PTPRF: variants seen among roughly 807,000 people sequenced by gnomAD.
PTPRF encodes receptor-type tyrosine-protein phosphatase F.
PTPRF carries 59 observed loss-of-function variants against 201.8 expected under a neutral mutation model. That is an observed-to-expected ratio of 0.29 (90% CI 0.24 to 0.36). The LOEUF (loss-of-function observed/expected upper bound fraction) is 0.36. Among genes scored for constraint, PTPRF ranks in the 10% least tolerant of loss-of-function variants. The pLI, the probability that PTPRF is intolerant of heterozygous loss-of-function variation, is 1.00. For synonymous variants in PTPRF, 1,088 were observed against 1,089.7 expected, an observed-to-expected ratio of 1.00 and a Z score of 0.03; for missense variants, 2,132 against 2,690.5, an observed-to-expected ratio of 0.79 and a Z score of 4.59.
chr1:43,553,997 C>T lies in PTPRF; in HGVS notation c.379+56C>T. On this transcript the variant is annotated intron_variant, in intron 5 of 33. Coordinates refer to ENST00000359947, the MANE Select transcript of PTPRF (RefSeq NM_002840.5). This position sits in a 1 kb window ranked among gnomAD's most constrained non-coding sequence, Gnocchi z 4.1. ...CTGCCGGGCTGAGGCGTGGGAAGAG[C>T]CAGCCAGCCCTGATCCTGTCCTGGG... 2 of 1,598,820 alleles carry T rather than the reference C, an allele frequency of 1.3e-6. No individual in the cohort carries two copies. The highest frequency in any genetic ancestry group is 1.1e-5 in the South Asian group (1 of 89,062).
chr1:43,598,624 G>A (rs759751012), intron 12 of PTPRF, 96 bp from the exon 13 acceptor site: 2 of 1,138,034 alleles, frequency 1.8e-6, no homozygotes, highest in Non-Finnish European at 2.6e-6. Flanking sequence ...TCCTGGGGGA[G>A]TGGGGTGCTG....
chr1:43,604,303 C>T (rs987344956), intron 16 of PTPRF, 114 bp downstream of exon 16: 9 of 1,080,254 alleles, frequency 8.3e-6, no homozygotes, highest in Non-Finnish European at 1.1e-5. Context: ...TGGTGTGTGA[C>T]CTCCAATCTC....
chr1:43,549,401 C>T (rs945105410), intron 3 of PTPRF, among the ~76,000 whole-genome samples: 4 of 152,232 alleles, frequency 2.6e-5, no homozygotes, highest in African/African-American at 7.2e-5. Context: ...AGCAGCTTGG[C>T]TGGGTGGGAC....
upstream of PTPRF, chr1:43,528,590 G>A (rs1643217491): frequency 6.6e-6 from 1 of 152,222 alleles, no homozygotes; most frequent in Non-Finnish European, 1.5e-5. Flanking sequence ...CCAAAAGCCA[G>A]AAACTCTCTG....
intron 7 of PTPRF, among the ~76,000 whole-genome samples, chr1:43,581,341 T>G (rs1647562285): frequency 1.3e-5 from 2 of 152,184 alleles, no homozygotes; most frequent in African/African-American, 4.8e-5. Context: ...CAAACCTGAC[T>G]TCTGTTGTCT....
At chr1:43,600,150 T>G (rs1653390439) in intron 13 of PTPRF, among the ~76,000 whole-genome samples, 1 of 152,196 alleles carries the variant, frequency 6.6e-6, no homozygotes, top group South Asian at 2.1e-4. Flanking sequence ...GAGGCAGGCA[T>G]GTGCACCCAC....
chr1:43,604,028 A>T lies in PTPRF; in HGVS notation c.2876A>T (p.Asn959Ile), dbSNP rs1168370988. The change falls in exon 16 of 34, where the codon AAC (asparagine) becomes ATC (isoleucine). Residue 959 changes from asparagine to isoleucine, a missense_variant. Transcript: ENST00000359947. The part of the protein sequence containing the change: ...ISYTVVFRDI[N>I]SQQELQNITT... ...TACACCGTGGTGTTCCGAGACATCAACAGCCAACAGGAGCTGCAGAACATC... is the reference window on the plus strand; with the variant it reads ...TACACCGTGGTGTTCCGAGACATCATCAGCCAACAGGAGCTGCAGAACATC... 3.1e-6 allele frequency: 5 copies of T among 1,614,246 alleles called. No homozygotes were observed. In the South Asian group the frequency reaches 3.3e-5, roughly 11 times the overall value.
intron 23 of PTPRF, among the ~76,000 whole-genome samples, chr1:43,616,052 G>A (rs182779758): frequency 6.6e-5 from 10 of 152,116 alleles, no homozygotes; most frequent in South Asian, 2.1e-4. Flanking sequence ...ACCGACAGGC[G>A]TGCAAAAGGT....
intron 6 of PTPRF, among the ~76,000 whole-genome samples, chr1:43,575,347 AG>A (rs1169561058): frequency 6.6e-6 from 1 of 152,018 alleles, no homozygotes; most frequent in African/African-American, 2.4e-5. Context: ...TGGGCTTTCT[AG>A]GGACTCTGTC....
At chr1:43,614,918 C>T (rs1181117776) in intron 23 of PTPRF, among the ~76,000 whole-genome samples, 2 of 151,968 alleles carry the variant, frequency 1.3e-5, no homozygotes, top group South Asian at 2.1e-4. Context: ...AGAGAGAGAC[C>T]TCCTCCTCTT....
intron 21 of PTPRF, among the ~76,000 whole-genome samples, chr1:43,608,711 G>C (rs776775111): frequency 1.6e-4 from 24 of 152,196 alleles, no homozygotes; most frequent in Non-Finnish European, 2.8e-4. Flanking sequence ...GTCACTGTGT[G>C]GAACAGCAGA....
intron 3 of PTPRF, among the ~76,000 whole-genome samples, chr1:43,552,266 ACT>A (rs1053686391): frequency 2.0e-5 from 3 of 151,442 alleles, no homozygotes; most frequent in South Asian, 4.2e-4. Flanking sequence ...CACTCCACTG[ACT>A]CTGTTCTTGT....
intron 7 of PTPRF, among the ~76,000 whole-genome samples, chr1:43,580,664 C>T (rs145588836): frequency 1.2e-3 from 190 of 152,296 alleles, no homozygotes; most frequent in African/African-American, 4.3e-3. Flanking sequence ...TTGGGGCTGG[C>T]GAGTCCACTC....
intron 5 of PTPRF, among the ~76,000 whole-genome samples, chr1:43,566,312 A>C (rs1646184033): frequency 6.6e-6 from 1 of 152,238 alleles, no homozygotes; most frequent in African/African-American, 2.4e-5. Flanking sequence ...CATGTACCTC[A>C]TAAGGGTTTG....
chr1:43,554,366 C>T lies in PTPRF; in HGVS notation c.379+425C>T, dbSNP rs1304411229. Among the ~76,000 whole-genome samples the T allele has an allele frequency of 6.6e-6, 1 of 152,126 alleles. No individual in the cohort carries two copies. Among genetic ancestry groups the T allele is most frequent in the South Asian group, 2.1e-4 (1 of 4,816 alleles). ...GTGAGCTGAGGGCTGGGGCTCTGTC[C>T]GTGGATTTTAGTGTCTTCTCTCACT... On this transcript the variant is annotated intron_variant, in intron 5 of 33. Transcript: ENST00000359947. The surrounding 1 kb of genome is among the most constrained non-coding windows in gnomAD (Gnocchi z 4.1).
chr1:43,569,286 T>C (rs1172407729), intron 5 of PTPRF, among the ~76,000 whole-genome samples: 1 of 143,934 alleles, frequency 6.9e-6, no homozygotes, highest in Non-Finnish European at 1.5e-5. Context: ...AGCAGAGCAT[T>C]GATTCTCGTT....
intron 7 of PTPRF, among the ~76,000 whole-genome samples, chr1:43,586,629 T>C (rs1425379437): frequency 6.6e-6 from 1 of 152,222 alleles, no homozygotes; most frequent in Non-Finnish European, 1.5e-5. Flanking sequence ...AAGGAAGTCC[T>C]GTGTTACAAA....
At chr1:43,597,135 G>A (rs1393293789) in intron 11 of PTPRF, among the ~76,000 whole-genome samples, 1 of 151,080 alleles carries the variant, frequency 6.6e-6, no homozygotes, top group African/African-American at 2.4e-5. Context: ...GTGAGACACT[G>A]TGTATATGAC....
chr1:43,560,213 G>T (rs1645708367), intron 5 of PTPRF, among the ~76,000 whole-genome samples: 1 of 150,894 alleles, frequency 6.6e-6, no homozygotes, highest in Non-Finnish European at 1.5e-5. Flanking sequence ...CAGACTGTGT[G>T]TTTGTATGCA....
Sources: gnomAD v4.1 joint callset for allele counts (sites outside exome capture counted in the v4.1 genomes callset) on GRCh38, gnomAD v4.1.1 for gene constraint, Gnocchi (gnomAD v3.1) non-coding constraint, MANE v1.5 for transcripts, NCBI Gene and HGNC (gene_info 2026-07-23, HGNC 2026-07-21) for gene names.